Variants in TBC1D5 observed in about 807,000 individuals in gnomAD.
The protein encoded by TBC1D5 is TBC1 domain family member 5, also known as TBC1 domain family, member 5.
A neutral mutation model predicts 100.3 loss-of-function variants in TBC1D5; 75 were observed. That is an observed-to-expected ratio of 0.75 (90% CI 0.62 to 0.91). TBC1D5 has a LOEUF of 0.91. Ranked by LOEUF, TBC1D5 falls within the 40% of genes least tolerant of loss-of-function variation. The pLI is 0.00. For missense variants in TBC1D5, 910 were observed against 942.4 expected, an observed-to-expected ratio of 0.97 and a Z score of 0.45; for synonymous variants, 323 against 325.6, an observed-to-expected ratio of 0.99 and a Z score of 0.09.
At chr3:17,371,083 A>ACATG (rs2092428169) in intron 13 of TBC1D5, among the ~76,000 whole-genome samples, 1 of 151,292 alleles carries the variant, frequency 6.6e-6, no homozygotes, top group Non-Finnish European at 1.5e-5. Context: ...ACACACACAC[A>ACATG]CACACACACA....
rs571629864 is a variant in TBC1D5 at position 17,344,561 on chromosome 3, A to G, written c.995+27514T>C. On this transcript the variant is annotated intron_variant, in intron 13 of 21. Transcript: ENST00000253692. The stretch of plus-strand genomic sequence containing the variant: ...TGACTTTCTTCACAGAATTGGAAAA[A>G]ACTACTTTAAAGTTCATATGGTACC... Among the ~76,000 whole-genome samples the G allele has an allele frequency of 3.1e-3, 475 of 152,114 alleles. 2 individuals carry two copies. Among genetic ancestry groups the G allele is most frequent in the South Asian group, 0.018 (86 of 4,814 alleles).
At chr3:17,509,294 TACAA>T (rs1029627304) in intron 2 of TBC1D5, among the ~76,000 whole-genome samples, 24 of 151,980 alleles carry the variant, frequency 1.6e-4, no homozygotes, top group Admixed American at 8.5e-4. Flanking sequence ...TGTTCAATAC[TACAA>T]ACAGTCTCAA....
intron 16 of TBC1D5, among the ~76,000 whole-genome samples, chr3:17,240,295 T>C (rs889550786): frequency 2.6e-5 from 4 of 152,182 alleles, no homozygotes; most frequent in African/African-American, 9.6e-5. Flanking sequence ...AAAAGAAAGA[T>C]CGATTCATTA....
At chr3:17,174,534 T>G (rs1487200285) in intron 19 of TBC1D5, among the ~76,000 whole-genome samples, 1 of 152,174 alleles carries the variant, frequency 6.6e-6, no homozygotes, top group Non-Finnish European at 1.5e-5. Context: ...TACATTGAAC[T>G]CAATTTCAGA....
intron 18 of TBC1D5, 51 bp downstream of exon 19, chr3:17,214,156 C>T (rs1220968055): frequency 6.4e-7 from 1 of 1,573,562 alleles, no homozygotes; most frequent in Non-Finnish European, 8.6e-7. Context: ...AAATGCAGCA[C>T]TCTAGAGAAG....
chr3:17,244,961 C>A (rs2076607266), intron 16 of TBC1D5, among the ~76,000 whole-genome samples: 1 of 128,910 alleles, frequency 7.8e-6, no homozygotes, highest in Non-Finnish European at 1.6e-5. Context: ...CGAGGAAGGA[C>A]AACTGTTTAA....
chr3:17,352,945 C>G (rs549530137), intron 13 of TBC1D5, among the ~76,000 whole-genome samples: 19 of 152,198 alleles, frequency 1.2e-4, no homozygotes, highest in African/African-American at 4.6e-4. Context: ...ACTAAACAAA[C>G]TTAAACACAC....
rs71049202 is a variant in TBC1D5 at position 17,497,087 on chromosome 3, G to GACACACACACACAC, written c.97+11373_97+11386dup. Among the ~76,000 whole-genome samples, 25 of 128,990 alleles carry GACACACACACACAC rather than the reference G, an allele frequency of 1.9e-4. 1 individual carries two copies. The highest frequency in any genetic ancestry group is 3.1e-4 in the Non-Finnish European group (19 of 61,184). 84.6% of individuals were successfully genotyped at this position (128,990 alleles called of 152,430 possible). ...TCTCTCTTTCTTTCTCTCTCTCTCT[G>GACACACACACACAC]ACACACACACACACACACACACACA... On this transcript the variant is annotated intron_variant, in intron 3 of 21. Transcript: ENST00000253692.
Position 17,703,038 on chromosome 3 carries a change from G to T in TBC1D5, c.-101+36305C>A, listed in dbSNP as rs943882271. 1.3e-5 allele frequency among the ~76,000 whole-genome samples: 2 copies of T among 151,968 alleles called. 1 individual carries two copies. The highest frequency in any genetic ancestry group is 2.9e-5 in the Non-Finnish European group (2 of 67,974). ...TTACTGAGTGGTTTAGAAAAAAGTT[G>T]AATTTAAGCTGGAAATTTATGAAGT... On this transcript the variant is annotated intron_variant, in intron 1 of 21. Coordinates refer to ENST00000253692, the Ensembl canonical transcript of TBC1D5.
intron 2 of TBC1D5, among the ~76,000 whole-genome samples, chr3:17,610,740 G>C (rs916769740): frequency 1.4e-4 from 21 of 152,160 alleles, no homozygotes; most frequent in Non-Finnish European, 2.8e-4. Flanking sequence ...AATTGGGCCG[G>C]ACGTGGAGGC....
At chr3:17,403,966 G>A (rs188067851) in intron 7 of TBC1D5, among the ~76,000 whole-genome samples, 47 of 152,108 alleles carry the variant, frequency 3.1e-4, no homozygotes, top group East Asian at 5.8e-4. Flanking sequence ...TAAGAAAGAC[G>A]GGTTAAGTTT....
intron 13 of TBC1D5, among the ~76,000 whole-genome samples, chr3:17,323,588 C>T (rs1212632634): frequency 1.3e-5 from 2 of 151,890 alleles, no homozygotes; most frequent in African/African-American, 4.8e-5. Flanking sequence ...GTAACAGCAT[C>T]TTTATAATAA....
In TBC1D5 at chr3:17,173,116, C is replaced by T. The variant is rs141985078; in HGVS notation, c.1853-5288G>A. 2.0e-5 allele frequency among the ~76,000 whole-genome samples: 3 copies of T among 152,260 alleles called. No individual in the cohort carries two copies. In the East Asian group the frequency reaches 5.8e-4, roughly 29 times the overall value. On this transcript the variant is annotated intron_variant, in intron 19 of 21. Transcript: ENST00000253692. ...TGCCATGTTACCTCAGTGACTATCT[C>T]AGCAACCCTTCTAGATGAGAACTGT...
chr3:17,256,981 C>T (rs1329429249), intron 16 of TBC1D5, among the ~76,000 whole-genome samples: 1 of 151,936 alleles, frequency 6.6e-6, no homozygotes, highest in Non-Finnish European at 1.5e-5. Flanking sequence ...ACAGAGAAGG[C>T]TGATGTGGCT....
intron 13 of TBC1D5, among the ~76,000 whole-genome samples, chr3:17,314,796 A>G (rs2084472070): frequency 6.6e-6 from 1 of 152,180 alleles, no homozygotes. Context: ...GCATTCATGT[A>G]AAATGTTACT....
intron 13 of TBC1D5, among the ~76,000 whole-genome samples, chr3:17,352,356 T>C (rs1436707307): frequency 6.6e-6 from 1 of 152,068 alleles, no homozygotes; most frequent in African/African-American, 2.4e-5. Context: ...ATATGTCAAA[T>C]GTTTTACTTT....
intron 1 of TBC1D5, among the ~76,000 whole-genome samples, chr3:17,708,054 G>T (rs2153917996): frequency 6.6e-6 from 1 of 152,244 alleles, no homozygotes; most frequent in African/African-American, 2.4e-5. Context: ...AGATAAAGTT[G>T]ACGCCCACTG....
At chr3:17,629,612 A>G (rs1165599946) in intron 1 of TBC1D5, among the ~76,000 whole-genome samples, 4 of 152,218 alleles carry the variant, frequency 2.6e-5, no homozygotes, top group Non-Finnish European at 5.9e-5. Flanking sequence ...ACACTGAGGA[A>G]TGTGAGAAAA....
At chr3:17,518,593 A>G (rs2096021285) in intron 2 of TBC1D5, among the ~76,000 whole-genome samples, 1 of 152,166 alleles carries the variant, frequency 6.6e-6, no homozygotes, top group Admixed American at 6.5e-5. Flanking sequence ...CCTTCAATTC[A>G]TTCTTGCAAC....
Sources: allele counts gnomAD v4.1 joint callset (sites outside exome capture counted in the v4.1 genomes callset), GRCh38; gene constraint gnomAD v4.1.1; transcripts MANE v1.5; gene names NCBI Gene and HGNC (gene_info 2026-07-23, HGNC 2026-07-21).